Variants in ZNF48 observed in about 807,000 individuals in gnomAD.
ZNF48 encodes zinc finger protein 48.
A neutral mutation model predicts 40.0 loss-of-function variants in ZNF48; 20 were observed. The ratio of observed to expected loss-of-function variants is 0.50; its 90% CI spans 0.35 to 0.73. The LOEUF is 0.73. Ranked by LOEUF, ZNF48 falls within the 30% of genes least tolerant of loss-of-function variation. The pLI is 0.01. For synonymous variants in ZNF48, 298 were observed against 329.7 expected (o/e 0.90, Z 1.04); for missense variants, 726 against 851.9 (o/e 0.85, Z 1.84).
At chr16:30,391,021 G>T (rs1387878865), upstream of ZNF48, among the ~76,000 whole-genome samples, 1 of 152,108 alleles carries the variant, frequency 6.6e-6, no homozygotes, top group African/African-American at 2.4e-5. Context: ...TTAGAGGCGT[G>T]AGCCACTGCG....
At position 30,397,484 on chromosome 16, in the gene ZNF48, A is replaced by C. The variant is rs2049997764; in HGVS notation, c.234A>C (p.Leu78Phe). The change falls in exon 3 of 3, where the codon TTA becomes TTC. Residue 78 changes from leucine (L) to phenylalanine (F), a missense_variant. Physicochemically the swap from Leu to Phe is conservative, Grantham distance 22. Coordinates refer to ENST00000613509, the MANE Select transcript of ZNF48 (RefSeq NM_001214909.2). The surrounding 1 kb of genome is among the most constrained non-coding windows in gnomAD (Gnocchi z 4.1). ...KPEGIQNWDD[L>F]WVQREGLGKP... ...AAGGCATCCAGAACTGGGATGACTT[A>C]TGGGTCCAGAGAGAGGGTCTAGGAA... is the stretch of plus-strand genomic sequence containing the variant. 1.2e-6 allele frequency: 2 copies of C among 1,614,162 alleles called. No homozygotes were observed. Among genetic ancestry groups the C allele is most frequent in the Admixed American group, 1.7e-5 (1 of 60,008 alleles).
chr16:30,387,348 A>G, intron 1 of ZNF48, among the ~76,000 whole-genome samples: 1 of 144,542 alleles, frequency 6.9e-6, no homozygotes. Context: ...TGATGTCGGG[A>G]GTTCAAGGCC....
Position 30,382,927 on chromosome 16 carries a change from A to C in ZNF48, c.-16+4517A>C, listed in dbSNP as rs1405369105. On this transcript the variant is annotated intron_variant, in intron 1 of 2. Coordinates refer to the ZNF48 transcript ENST00000528032. This position sits in a 1 kb window ranked among gnomAD's most constrained non-coding sequence, Gnocchi z 4.8. ...GGTGGCTCTCGCCTGTAATCTCAGC[A>C]CTTTGGGAGGCGGAGGAGGGAGGAC... 11 of 765,060 alleles carry C rather than the reference A, an allele frequency of 1.4e-5. No individual in the cohort carries two copies. The highest frequency in any genetic ancestry group is 2.4e-5 in the Non-Finnish European group (11 of 451,628). The allele number at this position is 765,060 out of a possible 1,614,324, so 47.4% of individuals were successfully genotyped here.
At chr16:30,396,832 G>A (rs763816434) in intron 2 of ZNF48, among the ~76,000 whole-genome samples, 1 of 151,636 alleles carries the variant, frequency 6.6e-6, no homozygotes, top group Non-Finnish European at 1.5e-5. Flanking sequence ...GGGACTACAG[G>A]TGTGCACCAC....
chr16:30,388,631 G>A (rs2049919076), intron 1 of ZNF48, among the ~76,000 whole-genome samples: 1 of 152,142 alleles, frequency 6.6e-6, no homozygotes, highest in South Asian at 2.1e-4. Flanking sequence ...GCTCACGCCT[G>A]TAATCCCAGC....
At chr16:30,379,584 TTC>T (rs1350147527) in intron 1 of ZNF48, 2 of 1,396,350 alleles carry the variant, frequency 1.4e-6, no homozygotes, top group Non-Finnish European at 1.0e-6. Context: ...GGCAGAAACT[TTC>T]TCTTTCCCAG....
At chr16:30,391,506 T>C (rs544975395), upstream of ZNF48, among the ~76,000 whole-genome samples, 10 of 151,722 alleles carry the variant, frequency 6.6e-5, no homozygotes, top group Admixed American at 4.6e-4. Context: ...CTTTTCTTTT[T>C]TTTTTTTTAA....
chr16:30,394,583 C>G (rs892489744), upstream of ZNF48: 2 of 152,506 alleles, frequency 1.3e-5, no homozygotes, highest in African/African-American at 2.4e-5. Context: ...TTCTTTGTGT[C>G]TCTTTCTCTT....
At chr16:30,383,987 C>T (rs907325360) in intron 1 of ZNF48, among the ~76,000 whole-genome samples, 1 of 152,062 alleles carries the variant, frequency 6.6e-6, no homozygotes, top group East Asian at 1.9e-4. Context: ...GAGGCCGAGG[C>T]GGGTGGATCA....
At chr16:30,380,638 T>C in intron 1 of ZNF48, 1 of 162,842 alleles carries the variant, frequency 6.1e-6, no homozygotes, top group Non-Finnish European at 1.4e-5. Context: ...GGCATGGTGG[T>C]GTTCATCTAT....
In ZNF48 at chr16:30,399,744, G is replaced by GGACA. The variant is rs1449895622; in HGVS notation, c.*640_*643dup. 2.0e-5 allele frequency: 3 copies of GGACA among 152,612 alleles called. No individual in the cohort carries two copies. Among genetic ancestry groups the GGACA allele is most frequent in the African/African-American group, 7.2e-5 (3 of 41,480 alleles). 9.5% of individuals were successfully genotyped at this position (152,612 alleles called of 1,614,324 possible). On this transcript the variant is annotated 3_prime_UTR_variant, in exon 3 of 3. Coordinates refer to ENST00000613509, the MANE Select transcript of ZNF48 (RefSeq NM_001214909.2). ...CCCACCCCTATGGAGGGGCACTCTTGGACAGAGCCCAGACCTTTGTGCCCT... is the reference window on the plus strand; with the variant it reads ...CCCACCCCTATGGAGGGGCACTCTTGGACAGACAGAGCCCAGACCTTTGTGCCCT...
intron 1 of ZNF48, among the ~76,000 whole-genome samples, chr16:30,386,209 T>G (rs1449938420): frequency 6.6e-6 from 1 of 151,976 alleles, no homozygotes; most frequent in Admixed American, 6.6e-5. Context: ...AGCCCAGGAA[T>G]TTGAGGCTGC....
At chr16:30,387,508 T>G in intron 1 of ZNF48, among the ~76,000 whole-genome samples, 1 of 144,618 alleles carries the variant, frequency 6.9e-6, no homozygotes, top group African/African-American at 2.5e-5. Flanking sequence ...TGAGTGGAGA[T>G]CGCACCATCG....
rs578169716 is a variant in ZNF48 at position 30,383,227 on chromosome 16, T to C, written c.-16+4817T>C. Among the ~76,000 whole-genome samples, 15 of 152,168 alleles carry C rather than the reference T, an allele frequency of 9.9e-5. No homozygotes were observed. In the South Asian group the frequency reaches 3.1e-3, roughly 32 times the overall value. The stretch of plus-strand genomic sequence containing the variant: ...TTTTTGAGACGGAGTCTCGCTCTGT[T>C]GCCCAGGCTGGAGTGTAGTGGCGCC... On this transcript the variant is annotated intron_variant, in intron 1 of 2. Coordinates refer to the ZNF48 transcript ENST00000528032.
In ZNF48 at chr16:30,381,441, T is replaced by A; in HGVS notation, c.-16+3031T>A. 2 of 1,614,008 alleles carry A rather than the reference T, an allele frequency of 1.2e-6. No individual in the cohort carries two copies. Among genetic ancestry groups the A allele is most frequent in the Non-Finnish European group, 1.7e-6 (2 of 1,180,008 alleles). Reference sequence around the variant, plus strand: ...CTCATCCCTAAGGTACTGCTCAAATTGCTCCTCGATGAATTTCACCACCGG... The same window carrying A: ...CTCATCCCTAAGGTACTGCTCAAATAGCTCCTCGATGAATTTCACCACCGG... On this transcript the variant is annotated intron_variant, in intron 1 of 2. Coordinates refer to the ZNF48 transcript ENST00000528032. This position sits in a 1 kb window ranked among gnomAD's most constrained non-coding sequence, Gnocchi z 4.3.
chr16:30,396,361 C>A (rs1343122838), intron 2 of ZNF48, among the ~76,000 whole-genome samples: 1 of 152,166 alleles, frequency 6.6e-6, no homozygotes, highest in Admixed American at 6.5e-5. Flanking sequence ...TTTCTCTTCG[C>A]TCTGCCGTAA....
rs780822617 is a variant in ZNF48, at chr16:30,382,061, C to T, written c.-16+3651C>T. The stretch of plus-strand genomic sequence containing the variant: ...CTAGGGTGTAACCTGGGGACAGGGG[C>T]TACTGCCTCAAGAGGGTGGGGAGGG... On this transcript the variant is annotated intron_variant, in intron 1 of 2. Coordinates refer to the ZNF48 transcript ENST00000528032. The surrounding 1 kb of genome is among the most constrained non-coding windows in gnomAD (Gnocchi z 4.8). The T allele has an allele frequency of 4.4e-6, 7 of 1,580,438 alleles. No homozygotes were observed. Among genetic ancestry groups the T allele is most frequent in the Non-Finnish European group, 5.2e-6 (6 of 1,161,778 alleles).
At chr16:30,388,582 C>A (rs1013861837) in intron 1 of ZNF48, among the ~76,000 whole-genome samples, 1 of 152,090 alleles carries the variant, frequency 6.6e-6, no homozygotes, top group Non-Finnish European at 1.5e-5. Context: ...TAGGGCGAGA[C>A]CTTGTCTCAA....
At position 30,398,371 on chromosome 16, in the gene ZNF48, T is replaced by C; in HGVS notation, c.1121T>C (p.Leu374Pro). The change falls in exon 3 of 3, where the codon CTT becomes CCT. Residue 374 changes from leucine (L) to proline (P), a missense_variant. Physicochemically the swap from Leu to Pro is moderately conservative, Grantham distance 98. Around this residue, in one of 5 missense-constraint regions of ZNF48, gnomAD observed 378 missense variants for 449.1 expected, o/e 0.84. Coordinates refer to ENST00000613509, the MANE Select transcript of ZNF48 (RefSeq NM_001214909.2). This position sits in a 1 kb window ranked among gnomAD's most constrained non-coding sequence, Gnocchi z 6.6. ...CDRTFSLSST[L>P]LRHRLTHMEP... ...CGTACCTTCAGCCTCAGCTCCACCC[T>C]TCTTCGCCACCGCCTCACTCACATG... 6.2e-7 allele frequency: 1 copy of C among 1,613,058 alleles called. No homozygotes were observed. The highest frequency in any genetic ancestry group is 8.5e-7 in the Non-Finnish European group (1 of 1,179,632).
Sources: allele counts gnomAD v4.1 joint callset (sites outside exome capture counted in the v4.1 genomes callset), GRCh38; gene constraint gnomAD v4.1.1; regional missense constraint gnomAD v4.1.1; non-coding constraint Gnocchi (gnomAD v3.1); transcripts MANE v1.5; gene names NCBI Gene and HGNC (gene_info 2026-07-23, HGNC 2026-07-21).